The following VAMP7 variants were observed in gnomAD, a reference collection of about 807,000 sequenced individuals.
VAMP7 encodes the protein vesicle associated membrane protein 7.
VAMP7 carries 14 observed loss-of-function variants against 29.6 expected under a neutral mutation model. That is an observed-to-expected ratio of 0.47 (90% CI 0.31 to 0.74). The LOEUF (loss-of-function observed/expected upper bound fraction) is 0.74, where lower values mean the gene tolerates loss of function less well. Ranked by LOEUF, VAMP7 falls within the 30% of genes least tolerant of loss-of-function variation. VAMP7 has a pLI of 0.05. For synonymous variants in VAMP7, 95 were observed against 88.1 expected, an observed-to-expected ratio of 1.08 and a Z score of -0.44; for missense variants, 223 against 262.4, an observed-to-expected ratio of 0.85 and a Z score of 1.04.
intron 3 of VAMP7, 102 bp from the exon 4 acceptor site, chrX:155,898,010 C>T: frequency 1.4e-6 from 2 of 1,405,316 alleles, no homozygotes; most frequent in Non-Finnish European, 1.9e-6. Flanking sequence ...CTCAGATAAT[C>T]ATTGCTCAGT....
rs1195337745 is a variant in VAMP7, at chrX:155,942,030, A to C, written c.*79A>C. On this transcript the variant is annotated 3_prime_UTR_variant, in exon 8 of 8. Coordinates refer to ENST00000286448, the MANE Select transcript of VAMP7 (RefSeq NM_005638.6). ...AATCCATGTGACTCAAGCCTTTCAC[A>C]TACTGACAGATGGTATCTGCCAGTC... 2.5e-6 allele frequency: 4 copies of C among 1,611,716 alleles called. No homozygotes were observed. Among genetic ancestry groups the C allele is most frequent in the Admixed American group, 3.4e-5 (2 of 59,638 alleles).
chrX:155,924,964 A>G (rs2066447742), intron 6 of VAMP7, among the ~76,000 whole-genome samples: 1 of 152,218 alleles, frequency 6.6e-6, no homozygotes, highest in South Asian at 2.1e-4. Flanking sequence ...TTCACCAGGA[A>G]TAGTTGCCAT....
chrX:155,892,814 G>A (rs1201764789), intron 2 of VAMP7, among the ~76,000 whole-genome samples: 6 of 151,764 alleles, frequency 4.0e-5, no homozygotes, highest in East Asian at 1.9e-4. Flanking sequence ...GTGCAATGGC[G>A]CAATCTCAGC....
intron 6 of VAMP7, among the ~76,000 whole-genome samples, chrX:155,937,643 T>C (rs1394515050): frequency 6.6e-5 from 10 of 152,194 alleles, no homozygotes; most frequent in Non-Finnish European, 1.5e-4. Context: ...CATTTTCCTT[T>C]TTTCAATATT....
intron 5 of VAMP7, among the ~76,000 whole-genome samples, chrX:155,918,358 A>G (rs1350644630): frequency 6.6e-6 from 1 of 152,074 alleles, no homozygotes; most frequent in Non-Finnish European, 1.5e-5. Flanking sequence ...GGGGTATGAA[A>G]AAAAAACTCC....
At chrX:155,917,028 C>T (rs1396705008) in intron 5 of VAMP7, among the ~76,000 whole-genome samples, 1 of 152,136 alleles carries the variant, frequency 6.6e-6, no homozygotes, top group Non-Finnish European at 1.5e-5. Context: ...CATATAGTCC[C>T]ATATGTCTTG....
intron 5 of VAMP7, among the ~76,000 whole-genome samples, chrX:155,910,360 T>C (rs946920051): frequency 1.2e-4 from 18 of 152,234 alleles, no homozygotes; most frequent in Non-Finnish European, 2.6e-4. Flanking sequence ...CATCCATTCA[T>C]GGACACTTAG....
intron 5 of VAMP7, among the ~76,000 whole-genome samples, chrX:155,903,713 C>T (rs2066103412): frequency 6.6e-6 from 1 of 152,120 alleles, no homozygotes; most frequent in East Asian, 1.9e-4. Flanking sequence ...ACAACAGTTA[C>T]TGGAGAGGAT....
At chrX:155,935,612 T>C (rs940844711) in intron 6 of VAMP7, among the ~76,000 whole-genome samples, 1 of 152,120 alleles carries the variant, frequency 6.6e-6, no homozygotes, top group African/African-American at 2.4e-5. Context: ...TAATCTTTTT[T>C]TCAAGGTTTT....
chrX:155,917,755 A>C (rs1347750548), intron 5 of VAMP7, among the ~76,000 whole-genome samples: 2 of 152,034 alleles, frequency 1.3e-5, no homozygotes, highest in African/African-American at 4.8e-5. Flanking sequence ...TCCTGCTGGG[A>C]GGTATCTTCC....
chrX:155,942,328 T>C lies in VAMP7; in HGVS notation c.*377T>C. The stretch of plus-strand genomic sequence containing the variant: ...ACTTTGTATGTGCACACAAAAGTAT[T>C]CAAGAGACAGTATTGCTAACATCTC... On this transcript the variant is annotated 3_prime_UTR_variant, in exon 8 of 8. Coordinates refer to ENST00000286448, the MANE Select transcript of VAMP7 (RefSeq NM_005638.6). 1 of 686,366 alleles carries C rather than the reference T, an allele frequency of 1.5e-6. No individual in the cohort carries two copies. The highest frequency in any genetic ancestry group is 2.4e-6 in the Non-Finnish European group (1 of 420,558). The allele number at this position is 686,366 out of a possible 1,614,324, so 42.5% of individuals were successfully genotyped here.
chrX:155,925,534 G>A (rs967444100), intron 6 of VAMP7, among the ~76,000 whole-genome samples: 2 of 152,158 alleles, frequency 1.3e-5, no homozygotes, highest in Non-Finnish European at 2.9e-5. Context: ...GCCCAAGGTG[G>A]TCAAAGCCCA....
At chrX:155,894,323 T>A (rs1212096106) in intron 2 of VAMP7, among the ~76,000 whole-genome samples, 13 of 148,894 alleles carry the variant, frequency 8.7e-5, no homozygotes, top group Non-Finnish European at 1.3e-4. Flanking sequence ...TTTTTTTTTT[T>A]AATGTGTCCT....
chrX:155,933,656 C>T (rs1315970075), intron 6 of VAMP7, among the ~76,000 whole-genome samples: 2 of 152,118 alleles, frequency 1.3e-5, no homozygotes, highest in Admixed American at 6.5e-5. Flanking sequence ...AAAAAACCAG[C>T]TCCTGGATTC....
chrX:155,925,362 G>A (rs1455636101), intron 6 of VAMP7, among the ~76,000 whole-genome samples: 1 of 152,196 alleles, frequency 6.6e-6, no homozygotes, highest in Non-Finnish European at 1.5e-5. Flanking sequence ...AGACTTGAAA[G>A]TTGAAATCAC....
At chrX:155,936,189 A>G (rs1417936137) in intron 6 of VAMP7, among the ~76,000 whole-genome samples, 2 of 152,072 alleles carry the variant, frequency 1.3e-5, no homozygotes, top group Non-Finnish European at 2.9e-5. Flanking sequence ...TCAGATCTCA[A>G]ACTCTGTCCT....
intron 6 of VAMP7, among the ~76,000 whole-genome samples, chrX:155,925,830 T>G (rs1033088112): frequency 6.6e-6 from 1 of 152,198 alleles, no homozygotes; most frequent in African/African-American, 2.4e-5. Flanking sequence ...GTTCCCAGCT[T>G]GACTTTTCCC....
Position 155,912,993 on chromosome X carries a change from C to T in VAMP7, c.434-6820C>T, listed in dbSNP as rs186682668. Among the ~76,000 whole-genome samples, 133 of 152,272 alleles carry T rather than the reference C, an allele frequency of 8.7e-4. No homozygotes were observed. The Middle Eastern group carries it at 0.01, about 12-fold the overall frequency. Reference sequence around the variant, plus strand: ...CTTCCACCAACAGTGTAAAAGCATTCCTATTGCTCCACATCCTCTCCAGCA... The same window carrying T: ...CTTCCACCAACAGTGTAAAAGCATTTCTATTGCTCCACATCCTCTCCAGCA... On this transcript the variant is annotated intron_variant, in intron 5 of 7. Transcript: ENST00000286448.
intron 6 of VAMP7, among the ~76,000 whole-genome samples, chrX:155,932,780 G>C (rs923116103): frequency 1.3e-5 from 2 of 152,124 alleles, no homozygotes; most frequent in African/African-American, 4.8e-5. Flanking sequence ...TCCCTATCTT[G>C]TGCCAGTTTT....
Sources: gnomAD v4.1 joint callset for allele counts (sites outside exome capture counted in the v4.1 genomes callset) on GRCh38, gnomAD v4.1.1 for gene constraint, MANE v1.5 for transcripts, NCBI Gene and HGNC (gene_info 2026-07-23, HGNC 2026-07-21) for gene names.